The following SYCP2L variants were observed in gnomAD, a reference collection of about 807,000 sequenced individuals.
SYCP2L encodes synaptonemal complex protein 2 like, also known as synaptonemal complex protein 2-like.
In SYCP2L, 98 loss-of-function variants were observed where a neutral mutation model predicts 125.8. The observed-to-expected ratio is 0.78, with a 90% confidence interval of 0.66 to 0.92. SYCP2L has a LOEUF of 0.92. SYCP2L is among the 40% of genes least tolerant of loss of function. SYCP2L has a pLI of 0.00. For missense variants in SYCP2L, 842 were observed against 936.4 expected (o/e 0.90, Z 1.32); for synonymous variants, 317 against 325.4 (o/e 0.97, Z 0.28).
chr6:10,959,598 G>A (rs1167807164), intron 26 of SYCP2L, among the ~76,000 whole-genome samples: 2 of 152,200 alleles, frequency 1.3e-5, no homozygotes, highest in African/African-American at 4.8e-5. Flanking sequence ...AGCCAGGCGT[G>A]GTGGCTCACG....
chr6:10,939,127 A>G (rs1416628503), intron 21 of SYCP2L, among the ~76,000 whole-genome samples: 1 of 152,206 alleles, frequency 6.6e-6, no homozygotes, highest in Non-Finnish European at 1.5e-5. Context: ...CTCAAAAAAA[A>G]AAAGAAAATT....
intron 21 of SYCP2L, among the ~76,000 whole-genome samples, chr6:10,941,524 T>C (rs981310287): frequency 2.0e-5 from 3 of 152,134 alleles, no homozygotes; most frequent in Non-Finnish European, 1.5e-5. Context: ...AAGACATTTA[T>C]GCAGCCAACA....
intron 20 of SYCP2L, 81 bp downstream of exon 20, chr6:10,931,570 T>C: frequency 2.2e-6 from 3 of 1,360,236 alleles, no homozygotes; most frequent in Admixed American, 1.8e-5. Context: ...TTCAGAAATA[T>C]AAAAATAACA....
At chr6:10,892,547 C>T (rs1780191140) in intron 2 of SYCP2L, among the ~76,000 whole-genome samples, 1 of 152,184 alleles carries the variant, frequency 6.6e-6, no homozygotes, top group African/African-American at 2.4e-5. Flanking sequence ...GATCCTCTTG[C>T]CTTGGCCTCC....
chr6:10,942,482 A>G lies in SYCP2L; in HGVS notation c.1837A>G (p.Ser613Gly). ...KTELQDPHSL[S>G]ELSSLKHSED... ...AGAGCTTCAAGATCCTCACTCACTG[A>G]GTGAGCTCTCTTCCTTGAAGCACTC... The change falls in exon 22 of 30, where the codon AGT becomes GGT. Residue 613 changes from serine to glycine, a missense_variant. Physicochemically the swap from Ser to Gly is moderately conservative, Grantham distance 56. Coordinates refer to ENST00000283141, the MANE Select transcript of SYCP2L (RefSeq NM_001040274.3). 6.3e-7 allele frequency: 1 copy of G among 1,596,668 alleles called. No homozygotes were observed.
At chr6:10,916,310 A>G (rs1013110028) in intron 14 of SYCP2L, among the ~76,000 whole-genome samples, 2 of 151,936 alleles carry the variant, frequency 1.3e-5, no homozygotes, top group South Asian at 2.1e-4. Context: ...TTTTGTTTCA[A>G]TTTCATCTAG....
At chr6:10,906,283 G>A (rs1000010719) in intron 9 of SYCP2L, among the ~76,000 whole-genome samples, 4 of 151,414 alleles carry the variant, frequency 2.6e-5, no homozygotes, top group Admixed American at 2.0e-4. Context: ...GCATTTTACC[G>A]CATTAGCTTC....
rs147873220 is a variant in SYCP2L, at chr6:10,945,608, A to G, written c.1954+2862A>G. ...AACATGGGGAAACACTGTCTCTACT[A>G]AAAATACAAAAATTAACCAGGTGTG... On this transcript the variant is annotated intron_variant, in intron 23 of 29. Coordinates refer to ENST00000283141, the MANE Select transcript of SYCP2L (RefSeq NM_001040274.3). Among the ~76,000 whole-genome samples, 178 of 152,228 alleles carry G rather than the reference A, an allele frequency of 1.2e-3. 2 individuals carry two copies. In the South Asian group the frequency reaches 0.014, roughly 12 times the overall value.
chr6:10,967,454 GGTGTGTGTGTGTGT>G (rs3066151), intron 29 of SYCP2L, among the ~76,000 whole-genome samples: 14 of 138,916 alleles, frequency 1.0e-4, no homozygotes, highest in African/African-American at 2.4e-4. Context: ...TGGGGTAGAG[GGTGTGTGTGTGTGT>G]GTGTGTGTGT....
At chr6:10,940,831 C>A (rs1781204362) in intron 21 of SYCP2L, among the ~76,000 whole-genome samples, 1 of 151,968 alleles carries the variant, frequency 6.6e-6, no homozygotes, top group African/African-American at 2.4e-5. Context: ...TATATCAAAT[C>A]ATCAAAAAAG....
chr6:10,967,454 GGTGTGTGTGTGTGTGTGTGT>G (rs3066151), intron 29 of SYCP2L, among the ~76,000 whole-genome samples: 5 of 138,838 alleles, frequency 3.6e-5, no homozygotes, highest in African/African-American at 5.3e-5. Flanking sequence ...TGGGGTAGAG[GGTGTGTGTGTGTGTGTGTGT>G]GTGTGTGTGT....
chr6:10,960,041 G>C (rs560532107), intron 26 of SYCP2L, among the ~76,000 whole-genome samples: 1 of 152,262 alleles, frequency 6.6e-6, no homozygotes, highest in South Asian at 2.1e-4. Flanking sequence ...TTTCTGTAGT[G>C]ATTTGAGTTA....
Position 10,926,355 on chromosome 6 carries a change from C to T in SYCP2L, c.1235C>T (p.Thr412Met), listed in dbSNP as rs148872372. 8.3e-4 allele frequency: 1,332 copies of T among 1,613,174 alleles called. 10 individuals are homozygous for T. The African/African-American group carries it at 0.014, about 16-fold the overall frequency. ...GEDKQMLPDQTKISSELFSKS... is the reference protein window; with the variant it reads ...GEDKQMLPDQMKISSELFSKS... ...GCATTTCAGATGTTGCCTGACCAGA[C>T]GAAAATCTCCTCAGAACTTTTTAGT... Residue 412 changes from threonine to methionine, a missense_variant, in exon 16 of 30, where the codon ACG becomes ATG. Thr to Met is a moderately conservative substitution (Grantham distance 81). Coordinates refer to ENST00000283141, the MANE Select transcript of SYCP2L (RefSeq NM_001040274.3).
At chr6:10,951,896 A>G (rs969017748) in intron 23 of SYCP2L, among the ~76,000 whole-genome samples, 2 of 152,212 alleles carry the variant, frequency 1.3e-5, no homozygotes, top group Non-Finnish European at 2.9e-5. Flanking sequence ...GATGCCAAAC[A>G]TACGTTCACT....
chr6:10,926,670 T>C (rs1459416333), intron 16 of SYCP2L, among the ~76,000 whole-genome samples: 2 of 152,154 alleles, frequency 1.3e-5, no homozygotes, highest in East Asian at 3.9e-4. Flanking sequence ...AGGCAGGACA[T>C]GGGGGTAAGG....
At chr6:10,921,594 T>C (rs564654412) in intron 14 of SYCP2L, among the ~76,000 whole-genome samples, 1 of 152,200 alleles carries the variant, frequency 6.6e-6, no homozygotes, top group Non-Finnish European at 1.5e-5. Context: ...TGGTATCTCA[T>C]TGTGGTTTTG....
chr6:10,952,855 A>C (rs1455675160), intron 23 of SYCP2L, among the ~76,000 whole-genome samples: 1 of 152,194 alleles, frequency 6.6e-6, no homozygotes, highest in African/African-American at 2.4e-5. Context: ...GAAAATATCC[A>C]TCCAAACCCT....
chr6:10,894,673 A>G (rs1157128029), intron 4 of SYCP2L, among the ~76,000 whole-genome samples: 9 of 151,960 alleles, frequency 5.9e-5, no homozygotes, highest in Admixed American at 5.9e-4. Context: ...TTGCTTATTC[A>G]AAGTTACCCA....
intron 4 of SYCP2L, among the ~76,000 whole-genome samples, chr6:10,897,620 C>A (rs1273966673): frequency 1.3e-5 from 2 of 152,168 alleles, no homozygotes; most frequent in East Asian, 3.8e-4. Flanking sequence ...CCATCTTTCC[C>A]AGGCTGGTCT....
Sources: allele counts gnomAD v4.1 joint callset (sites outside exome capture counted in the v4.1 genomes callset), GRCh38; gene constraint gnomAD v4.1.1; transcripts MANE v1.5; gene names NCBI Gene and HGNC (gene_info 2026-07-23, HGNC 2026-07-21).